The following ZNF277 variants were observed in gnomAD, a reference collection of about 807,000 sequenced individuals.
ZNF277 encodes nuclear receptor-interacting factor 4.
Under a neutral mutation model 60.7 loss-of-function variants are expected in ZNF277, and 55 were observed. The ratio of observed to expected loss-of-function variants is 0.91; its 90% CI spans 0.73 to 1.13. The LOEUF (loss-of-function observed/expected upper bound fraction) is 1.13, where lower values mean the gene tolerates loss of function less well. Among genes scored for constraint, ZNF277 ranks in the 50% most tolerant of loss-of-function variants. The pLI, the probability that ZNF277 is intolerant of heterozygous loss-of-function variation, is 0.00. For missense variants in ZNF277, 510 were observed against 523.0 expected, an observed-to-expected ratio of 0.98 and a Z score of 0.24; for synonymous variants, 178 against 179.3, an observed-to-expected ratio of 0.99 and a Z score of 0.06.
intron 1 of ZNF277, among the ~76,000 whole-genome samples, chr7:112,251,795 G>C (rs1791204839): frequency 6.6e-6 from 1 of 152,172 alleles, no homozygotes; most frequent in Admixed American, 6.5e-5. Flanking sequence ...GTATTCTGTT[G>C]ATTGATTCAT....
intron 4 of ZNF277, among the ~76,000 whole-genome samples, chr7:112,296,793 G>A (rs553898707): frequency 4.3e-4 from 65 of 150,630 alleles, no homozygotes; most frequent in Middle Eastern, 3.6e-3. Flanking sequence ...CCATAAGCAA[G>A]CTAATTTGAA....
intron 3 of ZNF277, 118 bp downstream of exon 3, chr7:112,296,075 T>A: frequency 9.8e-7 from 1 of 1,024,604 alleles, no homozygotes; most frequent in Non-Finnish European, 1.5e-6. Context: ...TAAATTGATG[T>A]GTTTATTTTG....
At chr7:112,317,376 C>A (rs1246494059) in intron 4 of ZNF277, among the ~76,000 whole-genome samples, 1 of 152,128 alleles carries the variant, frequency 6.6e-6, no homozygotes. Context: ...AGCCATATTT[C>A]AAATCCAGAT....
chr7:112,221,655 G>A (rs1213850253), intron 1 of ZNF277, among the ~76,000 whole-genome samples: 1 of 152,170 alleles, frequency 6.6e-6, no homozygotes, highest in East Asian at 1.9e-4. Flanking sequence ...ACCATCAGGC[G>A]TTAGATTCTC....
At chr7:112,225,777 A>T (rs1226679433) in intron 1 of ZNF277, among the ~76,000 whole-genome samples, 1 of 152,204 alleles carries the variant, frequency 6.6e-6, no homozygotes, top group Non-Finnish European at 1.5e-5. Context: ...TTTTTTCACT[A>T]TGCTATTGAA....
intron 1 of ZNF277, among the ~76,000 whole-genome samples, chr7:112,242,074 T>C (rs1790966454): frequency 6.6e-6 from 1 of 152,086 alleles, no homozygotes; most frequent in Admixed American, 6.6e-5. Flanking sequence ...GTGGTTCTTA[T>C]GCACCATATG....
At chr7:112,322,015 C>A (rs183512059) in intron 5 of ZNF277, among the ~76,000 whole-genome samples, 1 of 151,598 alleles carries the variant, frequency 6.6e-6, no homozygotes, top group Non-Finnish European at 1.5e-5. Context: ...TTCCAGTCTT[C>A]GGGACAGAAG....
At chr7:112,223,339 ACTGAT>A (rs1822084974) in intron 1 of ZNF277, among the ~76,000 whole-genome samples, 1 of 152,194 alleles carries the variant, frequency 6.6e-6, no homozygotes, top group South Asian at 2.1e-4. Context: ...TTCCAGGAAC[ACTGAT>A]CTAGGACTGT....
intron 1 of ZNF277, among the ~76,000 whole-genome samples, chr7:112,235,308 A>T (rs1047112222): frequency 1.3e-5 from 2 of 152,126 alleles, no homozygotes; most frequent in Non-Finnish European, 2.9e-5. Context: ...TCCTATGGTC[A>T]TATAGTAACT....
chr7:112,328,172 G>A (rs1391348613), intron 6 of ZNF277: 1 of 161,258 alleles, frequency 6.2e-6, no homozygotes, highest in Middle Eastern at 2.6e-3. Context: ...TATTTCCCCA[G>A]AAACCACTAT....
chr7:112,331,211 T>G (rs1407062073), intron 7 of ZNF277, among the ~76,000 whole-genome samples: 2 of 152,064 alleles, frequency 1.3e-5, no homozygotes, highest in Non-Finnish European at 2.9e-5. Context: ...GGAGAGGCAT[T>G]TGGAAATATG....
Position 112,244,536 on chromosome 7 carries a change from T to A in ZNF277, c.91+37729T>A, listed in dbSNP as rs578105904. Reference sequence around the variant, plus strand: ...CATTGACATTCTGCGTATCAGTGACTTTTACTTCTTTAAAATTAAAACAGA... The same window carrying A: ...CATTGACATTCTGCGTATCAGTGACATTTACTTCTTTAAAATTAAAACAGA... On this transcript the variant is annotated intron_variant, in intron 1 of 11. Transcript: ENST00000361822. Among the ~76,000 whole-genome samples the A allele has an allele frequency of 2.2e-3, 332 of 152,248 alleles. 2 individuals are homozygous for A. Among genetic ancestry groups the A allele is most frequent in the African/African-American group, 7.7e-3 (322 of 41,562 alleles).
At chr7:112,272,088 C>A (rs78635379) in intron 1 of ZNF277, among the ~76,000 whole-genome samples, 6 of 152,108 alleles carry the variant, frequency 3.9e-5, no homozygotes, top group South Asian at 4.1e-4. Context: ...CCCCCTACCC[C>A]CTACTAGCCA....
rs1330187636 is a variant in ZNF277 at position 112,342,760 on chromosome 7, C to G, written c.*31C>G. Reference sequence around the variant, plus strand: ...CTTGAAAACCTAGAAGAAACTACCACAGAAGCAATTTTTCATGTTTTTCTC... The same window carrying G: ...CTTGAAAACCTAGAAGAAACTACCAGAGAAGCAATTTTTCATGTTTTTCTC... On this transcript the variant is annotated 3_prime_UTR_variant, in exon 12 of 12. Coordinates refer to ENST00000361822, the MANE Select transcript of ZNF277 (RefSeq NM_021994.3). 3 of 1,443,386 alleles carry G rather than the reference C, an allele frequency of 2.1e-6. No homozygotes were observed. Among genetic ancestry groups the G allele is most frequent in the Non-Finnish European group, 2.7e-6 (3 of 1,091,918 alleles). 89.4% of individuals were successfully genotyped at this position (1,443,386 alleles called of 1,614,324 possible).
chr7:112,330,143 T>G lies in ZNF277; in HGVS notation c.728T>G (p.Met243Arg). 1.2e-6 allele frequency: 2 copies of G among 1,613,418 alleles called. No individual in the cohort carries two copies. Among genetic ancestry groups the G allele is most frequent in the Non-Finnish European group, 1.7e-6 (2 of 1,179,750 alleles). ...FRDKNTLKDH[M>R]RKKQHRKINP... is the part of the protein sequence containing the mutation. ...GACAAAAATACACTTAAAGATCACA[T>G]GAGGAAAAAACAGCATCGTAAGATT... Residue 243 changes from methionine (M) to arginine (R), a missense_variant, in exon 7 of 12, where the codon ATG (methionine) becomes AGG (arginine). Physicochemically the swap from Met to Arg is moderately conservative, Grantham distance 91 (BLOSUM62 -1). Transcript: ENST00000361822.
chr7:112,341,046 A>T lies in ZNF277; in HGVS notation c.1184A>T (p.Glu395Val). 2 of 1,584,848 alleles carry T rather than the reference A, an allele frequency of 1.3e-6. No homozygotes were observed. Among genetic ancestry groups the T allele is most frequent in the Non-Finnish European group, 1.7e-6 (2 of 1,166,858 alleles). The stretch of plus-strand genomic sequence containing the variant: ...GATAGAAAGACGTGGGATCAACTGG[A>T]GTACGTACTGCAAAACCAAATGTGC... ...LPDRKTWDQL[E>V]YYFPTYENDT... The change falls in exon 11 of 12, where the codon GAG (glutamate) becomes GTG (valine). Residue 395 changes from glutamate (E) to valine (V), a missense_variant and splice_region_variant. Transcript: ENST00000361822.
At chr7:112,222,479 C>G (rs1008181588) in intron 1 of ZNF277, among the ~76,000 whole-genome samples, 1 of 152,162 alleles carries the variant, frequency 6.6e-6, no homozygotes, top group African/African-American at 2.4e-5. Flanking sequence ...CATATAATTG[C>G]TCATAGTACC....
chr7:112,294,827 A>T (rs1438715721), intron 2 of ZNF277, among the ~76,000 whole-genome samples: 1 of 152,180 alleles, frequency 6.6e-6, no homozygotes, highest in African/African-American at 2.4e-5. Flanking sequence ...AAATATTGGG[A>T]ATTGGGGACT....
At chr7:112,283,580 G>C (rs1278072800) in intron 1 of ZNF277, among the ~76,000 whole-genome samples, 1 of 152,126 alleles carries the variant, frequency 6.6e-6, no homozygotes, top group African/African-American at 2.4e-5. Flanking sequence ...AGTTTCTCTT[G>C]CATGAAATTT....
Sources: gnomAD v4.1 joint callset for allele counts (sites outside exome capture counted in the v4.1 genomes callset) on GRCh38, gnomAD v4.1.1 for gene constraint, MANE v1.5 for transcripts, NCBI Gene and HGNC (gene_info 2026-07-23, HGNC 2026-07-21) for gene names.